CTBP2: variants seen among roughly 807,000 people sequenced by gnomAD.
The protein encoded by CTBP2 is C-terminal binding protein 2, also known as C-terminal-binding protein 2.
CTBP2 carries 30 observed loss-of-function variants against 80.3 expected under a neutral mutation model. The ratio of observed to expected loss-of-function variants is 0.37; its 90% CI spans 0.28 to 0.51. The LOEUF is 0.51. Among genes scored for constraint, CTBP2 ranks in the 20% least tolerant of loss-of-function variants. The probability of loss-of-function intolerance (pLI) is 0.93; values close to 1 mark genes in which losing one functional copy is unlikely to be tolerated. For missense variants in CTBP2, 1,212 were observed against 1,375.3 expected, an observed-to-expected ratio of 0.88 and a Z score of 1.88; for synonymous variants, 594 against 587.4, an observed-to-expected ratio of 1.01 and a Z score of -0.16.
chr10:125,054,650 C>G (rs1274323115), intron 2 of CTBP2, among the ~76,000 whole-genome samples: 2 of 152,230 alleles, frequency 1.3e-5, no homozygotes, highest in African/African-American at 4.8e-5. Context: ...CAATAGATAA[C>G]TAATACAACC....
intron 1 of CTBP2, among the ~76,000 whole-genome samples, chr10:125,136,144 G>A (rs768528494): frequency 1.3e-5 from 2 of 152,220 alleles, no homozygotes; most frequent in Admixed American, 6.5e-5. Context: ...CTCTCCAGGT[G>A]ATTCTCAGAT....
intron 1 of CTBP2, among the ~76,000 whole-genome samples, chr10:125,114,396 C>T (rs1052424380): frequency 6.6e-6 from 1 of 151,610 alleles, no homozygotes; most frequent in Non-Finnish European, 1.5e-5. Context: ...CAGAAGAGAA[C>T]CGCAGCACCC....
In CTBP2 at chr10:125,144,267, G is replaced by C. The variant is rs117297443; in HGVS notation, c.-206+16052C>G. ...ACCCACCCGCTCATCCCTAGAATGG[G>C]GTCATGTGAATACACAACCATTCTC... On this transcript the variant is annotated intron_variant, in intron 1 of 10. Coordinates refer to the CTBP2 transcript ENST00000337195. 5.5e-4 allele frequency among the ~76,000 whole-genome samples: 84 copies of C among 152,268 alleles called. 2 individuals are homozygous for C. In the East Asian group the frequency reaches 0.016, roughly 29 times the overall value.
At chr10:125,132,163 C>T (rs1856291135) in intron 1 of CTBP2, among the ~76,000 whole-genome samples, 2 of 152,136 alleles carry the variant, frequency 1.3e-5, no homozygotes, top group South Asian at 4.2e-4. Flanking sequence ...TTGACCAATT[C>T]AAAAGTCCAG....
chr10:125,061,912 G>C (rs974241909), intron 2 of CTBP2, among the ~76,000 whole-genome samples: 1 of 152,184 alleles, frequency 6.6e-6, no homozygotes, highest in African/African-American at 2.4e-5. Context: ...TAGGAACCAG[G>C]TATGCTTTCC....
intron 2 of CTBP2, among the ~76,000 whole-genome samples, chr10:125,059,675 T>G (rs1964597250): frequency 6.6e-6 from 1 of 152,292 alleles, no homozygotes; most frequent in Non-Finnish European, 1.5e-5. Flanking sequence ...ATTTTCACAC[T>G]GTTTTTTGAC....
intron 1 of CTBP2, among the ~76,000 whole-genome samples, chr10:125,018,263 G>T (rs1006069015): frequency 6.6e-6 from 1 of 152,182 alleles, no homozygotes; most frequent in East Asian, 1.9e-4. Context: ...AGTGGCTCAC[G>T]CCTGTAATCC....
At chr10:125,064,152 T>C (rs1280648478) in intron 2 of CTBP2, among the ~76,000 whole-genome samples, 2 of 152,220 alleles carry the variant, frequency 1.3e-5, no homozygotes, top group East Asian at 1.9e-4. Flanking sequence ...AGTTAGATGG[T>C]GAATACCTCA....
At chr10:124,991,511 G>A (rs111618230) in intron 8 of CTBP2, among the ~76,000 whole-genome samples, 1 of 152,232 alleles carries the variant, frequency 6.6e-6, no homozygotes, top group Non-Finnish European at 1.5e-5. Context: ...AGACAGCCAT[G>A]TGACCTGCAA....
chr10:125,041,504 A>ACCCCCCC (rs10559259), intron 2 of CTBP2, among the ~76,000 whole-genome samples: 25 of 91,128 alleles, frequency 2.7e-4, no homozygotes, highest in Non-Finnish European at 4.0e-4. Context: ...GTCCATCCCC[A>ACCCCCCC]CCCCCCCCCC....
intron 1 of CTBP2, among the ~76,000 whole-genome samples, chr10:125,155,480 A>G (rs1382776695): frequency 6.6e-6 from 1 of 152,050 alleles, no homozygotes; most frequent in African/African-American, 2.4e-5. Flanking sequence ...GCCATAATTT[A>G]GGCTTTAAAC....
chr10:125,047,170 A>G (rs1961476113), intron 2 of CTBP2, among the ~76,000 whole-genome samples: 1 of 152,190 alleles, frequency 6.6e-6, no homozygotes, highest in Non-Finnish European at 1.5e-5. Flanking sequence ...TTAAGCAAAA[A>G]AAAAGGGATA....
chr10:125,161,419 C>T (rs867992703), upstream of CTBP2, among the ~76,000 whole-genome samples: 1 of 151,998 alleles, frequency 6.6e-6, no homozygotes, highest in Non-Finnish European at 1.5e-5. Context: ...GGAACGCGAG[C>T]CCCGGGTGGC....
chr10:125,068,051 C>G (rs1482602247), intron 2 of CTBP2, among the ~76,000 whole-genome samples: 1 of 152,202 alleles, frequency 6.6e-6, no homozygotes, highest in East Asian at 1.9e-4. Flanking sequence ...TACCTCCAGA[C>G]AGTCAGATGG....
At chr10:125,130,113 T>G (rs1855919602) in intron 1 of CTBP2, among the ~76,000 whole-genome samples, 1 of 151,278 alleles carries the variant, frequency 6.6e-6, no homozygotes, top group Non-Finnish European at 1.5e-5. Flanking sequence ...AATAGCATGA[T>G]CTCGGCTCAC....
chr10:125,016,804 C>T (rs1956540932), intron 1 of CTBP2, among the ~76,000 whole-genome samples: 1 of 152,244 alleles, frequency 6.6e-6, no homozygotes, highest in Admixed American at 6.5e-5. Context: ...CTAGTAACTT[C>T]TACAGCATCC....
At chr10:124,993,393 G>A in intron 6 of CTBP2, 64 bp from the exon 9 acceptor site, 2 of 1,539,942 alleles carry the variant, frequency 1.3e-6, no homozygotes, top group Non-Finnish European at 1.8e-6. Flanking sequence ...GCCCTCCTCA[G>A]CACAAGGGAG....
chr10:125,075,232 T>C (rs12412162), intron 2 of CTBP2, among the ~76,000 whole-genome samples: 10,433 of 152,220 alleles, frequency 0.069, 539 homozygotes, highest in East Asian at 0.27. Flanking sequence ...ATATCAAGAA[T>C]TTCTACAGTT....
rs113293554 is a variant in CTBP2, at chr10:125,084,309, A to G, written c.-102+26681T>C. ...GGATGCCTTGAGGGGCTTGGGGAAC[A>G]TCTCAGGGAAGAAGCTGCACGGAGA... is the stretch of plus-strand genomic sequence containing the variant. On this transcript the variant is annotated intron_variant, in intron 2 of 10. Coordinates refer to the CTBP2 transcript ENST00000337195. 1.8e-3 allele frequency among the ~76,000 whole-genome samples: 277 copies of G among 152,086 alleles called. 1 individual carries two copies. Among genetic ancestry groups the G allele is most frequent in the African/African-American group, 6.2e-3 (257 of 41,360 alleles).
Sources: allele counts gnomAD v4.1 joint callset (sites outside exome capture counted in the v4.1 genomes callset), GRCh38; gene constraint gnomAD v4.1.1; transcripts MANE v1.5; gene names NCBI Gene and HGNC (gene_info 2026-07-23, HGNC 2026-07-21).